NEDD9: variants seen among roughly 807,000 people sequenced by gnomAD.
NEDD9 encodes neural precursor cell expressed, developmentally down-regulated 9, also known as enhancer of filamentation 1.
A neutral mutation model predicts 76.6 loss-of-function variants in NEDD9; 26 were observed. The ratio of observed to expected loss-of-function variants is 0.34; its 90% CI spans 0.25 to 0.47. The LOEUF is 0.47. Ranked by LOEUF, NEDD9 falls within the 20% of genes least tolerant of loss-of-function variation. The pLI is 1.00. For missense variants in NEDD9, 937 were observed against 1,058.5 expected (o/e 0.89, Z 1.59); for synonymous variants, 392 against 414.2 (o/e 0.95, Z 0.65).
intron 3 of NEDD9, among the ~76,000 whole-genome samples, chr6:11,274,437 T>C (rs11967989): frequency 0.082 from 12,457 of 152,228 alleles, 600 homozygotes; most frequent in Middle Eastern, 0.15. Context: ...CTGTGAATGC[T>C]GTAGATCAAC....
At chr6:11,328,622 A>G (rs150404439) in intron 2 of NEDD9, 1 of 152,240 alleles carries the variant, frequency 6.6e-6, no homozygotes, top group Non-Finnish European at 1.5e-5. Context: ...GATGATTGGC[A>G]TTGTCCTTTA....
chr6:11,244,325 C>A (rs1014385784), intron 3 of NEDD9, among the ~76,000 whole-genome samples: 4 of 151,984 alleles, frequency 2.6e-5, no homozygotes, highest in Non-Finnish European at 4.4e-5. Flanking sequence ...CCTGGAGAAC[C>A]CTGATTAATA....
chr6:11,346,477 G>GCA (rs1554134758), intron 1 of NEDD9, among the ~76,000 whole-genome samples: 1 of 145,048 alleles, frequency 6.9e-6, no homozygotes, highest in Non-Finnish European at 1.5e-5. Context: ...AGGCTCGGAG[G>GCA]CCCCCCCCCC....
At chr6:11,226,396 TG>T (rs1759309693) in intron 1 of NEDD9, among the ~76,000 whole-genome samples, 1 of 152,216 alleles carries the variant, frequency 6.6e-6, no homozygotes, top group African/African-American at 2.4e-5. Flanking sequence ...TCATTTGTCT[TG>T]GCGAGAAGTC....
chr6:11,354,278 G>T (rs777281973), intron 1 of NEDD9, among the ~76,000 whole-genome samples: 1 of 152,188 alleles, frequency 6.6e-6, no homozygotes, highest in Non-Finnish European at 1.5e-5. Context: ...GCTGGAAAAC[G>T]TGGGGGCAAC....
intron 1 of NEDD9, among the ~76,000 whole-genome samples, chr6:11,340,991 G>T (rs941845510): frequency 6.6e-6 from 1 of 152,010 alleles, no homozygotes; most frequent in Non-Finnish European, 1.5e-5. Flanking sequence ...CCTCCCTACC[G>T]TTCTAAGTCA....
In NEDD9 at chr6:11,319,544, A is replaced by C. The variant is rs565124578; in HGVS notation, c.-152-13389T>G. On this transcript the variant is annotated intron_variant, in intron 2 of 3. Transcript: ENST00000397378. ...TGCACACTCACACTAACATGCGGAC[A>C]CACACTAACATGCGGACACACACAC... Among the ~76,000 whole-genome samples, 13 of 105,878 alleles carry C rather than the reference A, an allele frequency of 1.2e-4. No homozygotes were observed. In the East Asian group the frequency reaches 3.6e-3, roughly 29 times the overall value. 69.5% of individuals were successfully genotyped at this position (105,878 alleles called of 152,430 possible).
chr6:11,228,610 A>AGGG (rs1195984237), intron 1 of NEDD9, among the ~76,000 whole-genome samples: 9 of 46,594 alleles, frequency 1.9e-4, no homozygotes, highest in Non-Finnish European at 1.5e-4. Context: ...GGAACCACTG[A>AGGG]ATTCTGAGAA....
At chr6:11,186,992 G>A (rs142903133) in intron 6 of NEDD9, among the ~76,000 whole-genome samples, 1 of 152,290 alleles carries the variant, frequency 6.6e-6, no homozygotes, top group African/African-American at 2.4e-5. Flanking sequence ...CCAAAGCCCT[G>A]CAGTCTTACC....
rs1243153011 is a variant in NEDD9 at position 11,241,133 on chromosome 6, A to C, written c.13-27406T>G. 1.3e-5 allele frequency among the ~76,000 whole-genome samples: 2 copies of C among 152,254 alleles called. No individual in the cohort carries two copies. Among genetic ancestry groups the C allele is most frequent in the Non-Finnish European group, 2.9e-5 (2 of 68,046 alleles). ...AGTGATCTGCCAACATCAAATAAAC[A>C]GGAATGGACTCTCATGGCTGAAATG... On this transcript the variant is annotated intron_variant, in intron 3 of 3. Transcript: ENST00000397378. This position sits in a 1 kb window ranked among gnomAD's most constrained non-coding sequence, Gnocchi z 4.0.
intron 1 of NEDD9, among the ~76,000 whole-genome samples, chr6:11,228,200 G>A (rs1759365957): frequency 6.6e-6 from 1 of 152,024 alleles, no homozygotes; most frequent in South Asian, 2.1e-4. Context: ...GATAAAAGGA[G>A]AACCAATGAG....
At chr6:11,340,943 A>G (rs551991792) in intron 1 of NEDD9, among the ~76,000 whole-genome samples, 29 of 151,762 alleles carry the variant, frequency 1.9e-4, no homozygotes, top group African/African-American at 7.0e-4. Flanking sequence ...CTACTGTCCT[A>G]CTCTCTCTGT....
Position 11,213,939 on chromosome 6 carries a change from TG to T in NEDD9, c.13-213del, listed in dbSNP as rs1758868062. On this transcript the variant is annotated intron_variant, in intron 1 of 6. Transcript: ENST00000379446. This position sits in a 1 kb window ranked among gnomAD's most constrained non-coding sequence, Gnocchi z 5.4. ...CACCAGTGACATCAGACTGCCTCCTTGGAAAAGCTCAAAACACCAGAAGAGT... is the reference window on the plus strand; with the variant it reads ...CACCAGTGACATCAGACTGCCTCCTTGAAAAGCTCAAAACACCAGAAGAGT... Among the ~76,000 whole-genome samples, 1 of 152,196 alleles carries T rather than the reference TG, an allele frequency of 6.6e-6. No individual in the cohort carries two copies. The highest frequency in any genetic ancestry group is 2.4e-5 in the African/African-American group (1 of 41,448).
intron 2 of NEDD9, among the ~76,000 whole-genome samples, chr6:11,195,732 T>C (rs1215819415): frequency 6.6e-6 from 1 of 152,232 alleles, no homozygotes; most frequent in East Asian, 1.9e-4. Context: ...CAGTGGCTCA[T>C]GCCTGTAATC....
intron 3 of NEDD9, among the ~76,000 whole-genome samples, chr6:11,253,792 T>A (rs1401251831): frequency 1.3e-5 from 2 of 152,312 alleles, no homozygotes; most frequent in Admixed American, 1.3e-4. Flanking sequence ...ATAAAATAGA[T>A]CCAGCACCCA....
rs145485183 is a variant in NEDD9, at chr6:11,219,073, C to T, written c.13-5346G>A. 2.0e-5 allele frequency among the ~76,000 whole-genome samples: 3 copies of T among 152,300 alleles called. No individual in the cohort carries two copies. In the East Asian group the frequency reaches 5.8e-4, roughly 29 times the overall value. On this transcript the variant is annotated intron_variant, in intron 1 of 6. Coordinates refer to ENST00000379446, the MANE Select transcript of NEDD9 (RefSeq NM_006403.4). ...CCAGACCACTTGGGTTCTGCTGTTC[C>T]TGGTTCCCAAGCTATGCCTGAGGAG...
intron 1 of NEDD9, among the ~76,000 whole-genome samples, chr6:11,375,909 C>G (rs1202890964): frequency 1.3e-5 from 2 of 152,166 alleles, no homozygotes; most frequent in Non-Finnish European, 2.9e-5. Context: ...ACTGCAAGCT[C>G]CGCCTCCCGG....
In NEDD9 at chr6:11,190,534, G is replaced by T. The variant is rs1458611787; in HGVS notation, c.1335C>A (p.Ile445=). Residue 445 remains isoleucine, a synonymous_variant, in exon 5 of 7, where the codon ATC becomes ATA. Coordinates refer to ENST00000379446, the MANE Select transcript of NEDD9 (RefSeq NM_006403.4). The surrounding 1 kb of genome is among the most constrained non-coding windows in gnomAD (Gnocchi z 5.8). Reference sequence around the variant, plus strand: ...TGTCCACTGCTGTGCGTATTTCATTGATGTGTCTTTCCATATATCCGTAAC... The same window carrying T: ...TGTCCACTGCTGTGCGTATTTCATTTATGTGTCTTTCCATATATCCGTAAC... The part of the protein sequence containing the change: ...WRCYGYMERH[I]NEIRTAVDKV... The T allele has an allele frequency of 6.2e-7, 1 of 1,614,178 alleles. No homozygotes were observed. Among genetic ancestry groups the T allele is most frequent in the Non-Finnish European group, 8.5e-7 (1 of 1,180,036 alleles).
chr6:11,333,328 A>C (rs1762088127), intron 2 of NEDD9, among the ~76,000 whole-genome samples: 1 of 152,218 alleles, frequency 6.6e-6, no homozygotes, highest in Non-Finnish European at 1.5e-5. Flanking sequence ...TGTGTTAGGC[A>C]ATGGAAACCA....
Sources: gnomAD v4.1 joint callset for allele counts (sites outside exome capture counted in the v4.1 genomes callset) on GRCh38, gnomAD v4.1.1 for gene constraint, Gnocchi (gnomAD v3.1) non-coding constraint, MANE v1.5 for transcripts, NCBI Gene and HGNC (gene_info 2026-07-23, HGNC 2026-07-21) for gene names.